Variants in COBL observed in about 807,000 individuals in gnomAD.
COBL encodes cordon-bleu WH2 repeat protein, also known as protein cordon-bleu.
Under a neutral mutation model 98.8 loss-of-function variants are expected in COBL, and 51 were observed. That is an observed-to-expected ratio of 0.52 (90% CI 0.41 to 0.65). The LOEUF is 0.65. COBL is among the 30% of genes least tolerant of loss of function. The pLI is 0.00. For missense variants in COBL, 1,617 were observed against 1,617.5 expected (o/e 1.00, Z 0.01); for synonymous variants, 634 against 651.7 (o/e 0.97, Z 0.41).
At chr7:51,198,940 C>T (rs1790850236) in intron 2 of COBL, among the ~76,000 whole-genome samples, 1 of 152,222 alleles carries the variant, frequency 6.6e-6, no homozygotes. Context: ...GGCCCACAGC[C>T]TGCTGGCAGG....
chr7:51,018,902 AAAAATAT>A (rs1220483886), intron 12 of COBL, among the ~76,000 whole-genome samples: 4 of 52,626 alleles, frequency 7.6e-5, no homozygotes, highest in African/African-American at 1.7e-4. Flanking sequence ...AAAAAAAAAA[AAAAATAT>A]ATATATATAT....
At chr7:51,178,596 T>C (rs73316849) in intron 5 of COBL, among the ~76,000 whole-genome samples, 1,757 of 152,194 alleles carry the variant, frequency 0.012, 36 homozygotes, top group African/African-American at 0.04. Context: ...ACTCACCGTG[T>C]CTTTATTAGG....
chr7:51,101,290 T>C (rs550694814), intron 6 of COBL, among the ~76,000 whole-genome samples: 66 of 152,314 alleles, frequency 4.3e-4, no homozygotes, highest in African/African-American at 1.6e-3. Flanking sequence ...AGGATTCTGG[T>C]AGATGTATTT....
chr7:51,077,512 T>C (rs1435586567), intron 7 of COBL, among the ~76,000 whole-genome samples: 1 of 152,346 alleles, frequency 6.6e-6, no homozygotes, highest in South Asian at 2.1e-4. Context: ...CACGAGTTTG[T>C]TCTTTGGCCA....
intron 7 of COBL, among the ~76,000 whole-genome samples, chr7:51,045,268 C>T (rs1052604557): frequency 1.3e-5 from 2 of 152,118 alleles, no homozygotes; most frequent in Admixed American, 6.5e-5. Flanking sequence ...GGATTCACAC[C>T]CTGGTGGAGT....
At chr7:51,142,771 T>C (rs1388256163) in intron 5 of COBL, among the ~76,000 whole-genome samples, 3 of 152,188 alleles carry the variant, frequency 2.0e-5, no homozygotes, top group Admixed American at 6.5e-5. Context: ...AGCAGGACCA[T>C]CTGCCAGGCA....
At chr7:51,107,698 G>A (rs1057508580) in intron 6 of COBL, among the ~76,000 whole-genome samples, 3 of 151,998 alleles carry the variant, frequency 2.0e-5, no homozygotes, top group African/African-American at 4.8e-5. Flanking sequence ...TCACCTCTCC[G>A]TACCCGGGCT....
chr7:51,304,967 C>T (rs1400199551), intron 1 of COBL, among the ~76,000 whole-genome samples: 2 of 152,116 alleles, frequency 1.3e-5, no homozygotes, highest in Admixed American at 1.3e-4. Flanking sequence ...CAAGAAGTTA[C>T]CAGAGAGCTG....
intron 5 of COBL, among the ~76,000 whole-genome samples, chr7:51,148,743 C>G (rs559075231): frequency 1.8e-3 from 267 of 152,262 alleles, no homozygotes; most frequent in Non-Finnish European, 2.6e-3. Flanking sequence ...CTGAATACCC[C>G]TTCAGAGCCA....
At chr7:51,145,798 ATT>A (rs1784974668) in intron 5 of COBL, among the ~76,000 whole-genome samples, 1 of 152,158 alleles carries the variant, frequency 6.6e-6, no homozygotes, top group Non-Finnish European at 1.5e-5. Context: ...CCTGGCCAAC[ATT>A]TGTTTTCCTT....
At chr7:51,217,387 G>A (rs1793167366) in intron 2 of COBL, among the ~76,000 whole-genome samples, 1 of 143,202 alleles carries the variant, frequency 7.0e-6, no homozygotes, top group African/African-American at 2.7e-5. Context: ...TGTTGCCCAG[G>A]CTGTAATGCA....
At chr7:51,112,606 C>A (rs954478093) in intron 6 of COBL, among the ~76,000 whole-genome samples, 1 of 152,168 alleles carries the variant, frequency 6.6e-6, no homozygotes, top group Non-Finnish European at 1.5e-5. Context: ...TGACTAATAG[C>A]TGAAATCCTC....
rs1790080949 is a variant in COBL, at chr7:51,191,136, C to A, written c.457-58G>T. The A allele has an allele frequency of 2.7e-6, 4 of 1,476,848 alleles. No homozygotes were observed. The South Asian group carries it at 4.8e-5, about 18-fold the overall frequency. The allele number at this position is 1,476,848 out of a possible 1,614,324, so 91.5% of individuals were successfully genotyped here. A position where few individuals can be genotyped will look rare whatever the true frequency, so the allele number is the denominator to read the frequency against. On this transcript the variant is annotated intron_variant, in intron 3 of 12. Transcript: ENST00000265136. ...AAGATATCCTCCCACAAGCCTTCAA[C>A]TCTTGTGTCAATTTGACAATTGGGT...
At chr7:51,133,261 T>G (rs1337394700) in intron 6 of COBL, among the ~76,000 whole-genome samples, 1 of 152,198 alleles carries the variant, frequency 6.6e-6, no homozygotes, top group Non-Finnish European at 1.5e-5. Context: ...GAGTGGACGC[T>G]ACTGATGTGT....
At chr7:51,241,903 C>T (rs957128040) in intron 1 of COBL, among the ~76,000 whole-genome samples, 2 of 151,994 alleles carry the variant, frequency 1.3e-5, no homozygotes, top group African/African-American at 2.4e-5. Context: ...GAGACAGGGA[C>T]CCTAAGGCCA....
chr7:51,269,849 T>G (rs1266109799), intron 1 of COBL, among the ~76,000 whole-genome samples: 1 of 152,170 alleles, frequency 6.6e-6, no homozygotes, highest in Admixed American at 6.5e-5. Flanking sequence ...CAAGAGGTGC[T>G]CTGTCTCCAG....
At chr7:51,041,006 CT>C (rs1299234639) in intron 8 of COBL, among the ~76,000 whole-genome samples, 1 of 152,228 alleles carries the variant, frequency 6.6e-6, no homozygotes, top group East Asian at 1.9e-4. Flanking sequence ...CCCATGCAAA[CT>C]GCAGAACAGA....
At chr7:51,280,791 G>A (rs1394936185) in intron 1 of COBL, among the ~76,000 whole-genome samples, 1 of 152,168 alleles carries the variant, frequency 6.6e-6, no homozygotes, top group Non-Finnish European at 1.5e-5. Flanking sequence ...CTGGCCACCG[G>A]TAGCAGAAAC....
intron 7 of COBL, among the ~76,000 whole-genome samples, chr7:51,049,643 G>C (rs562505182): frequency 3.9e-5 from 6 of 152,312 alleles, no homozygotes; most frequent in African/African-American, 1.4e-4. Flanking sequence ...ACACAGGAAA[G>C]TGACCATTGG....
Sources: gnomAD v4.1 joint callset for allele counts (sites outside exome capture counted in the v4.1 genomes callset) on GRCh38, gnomAD v4.1.1 for gene constraint, MANE v1.5 for transcripts, NCBI Gene and HGNC (gene_info 2026-07-23, HGNC 2026-07-21) for gene names.